RAB19: variants seen among roughly 807,000 people sequenced by gnomAD.
The protein encoded by RAB19 is ras-related protein Rab-19.
A neutral mutation model predicts 17.3 loss-of-function variants in RAB19; 21 were observed. The ratio of observed to expected loss-of-function variants is 1.21; its 90% confidence interval spans 0.86 to 1.74. The LOEUF (loss-of-function observed/expected upper bound fraction) is 1.74, where lower values mean the gene tolerates loss of function less well. Ranked by LOEUF, RAB19 falls within the 40% of genes most tolerant of loss-of-function variation. RAB19 has a pLI of 0.00. For missense variants in RAB19, 277 were observed against 286.8 expected, an observed-to-expected ratio of 0.97 and a Z score of 0.25; for synonymous variants, 126 against 110.4, an observed-to-expected ratio of 1.14 and a Z score of -0.88.
chr7:140,415,064 T>TG (rs370673159), intron 3 of RAB19, among the ~76,000 whole-genome samples: 126 of 149,976 alleles, frequency 8.4e-4, no homozygotes, highest in African/African-American at 3.1e-3. Flanking sequence ...CTCTTTTTTT[T>TG]TCTTTTCTTT....
chr7:140,424,497 A>G (rs1799617570), intron 3 of RAB19, among the ~76,000 whole-genome samples: 2 of 151,712 alleles, frequency 1.3e-5, no homozygotes, highest in Admixed American at 6.6e-5. Flanking sequence ...GATAGCACCA[A>G]TGTCAATTTC....
At chr7:140,405,644 C>T (rs1799224333) in intron 1 of RAB19, among the ~76,000 whole-genome samples, 2 of 152,020 alleles carry the variant, frequency 1.3e-5, no homozygotes, top group South Asian at 4.1e-4. Context: ...TGCCAAAGTG[C>T]TAGGATTACA....
At chr7:140,415,776 AC>A (rs772721866) in intron 3 of RAB19, among the ~76,000 whole-genome samples, 2 of 43,802 alleles carry the variant, frequency 4.6e-5, no homozygotes, top group Non-Finnish European at 1.6e-4. Context: ...GTGGTGGTGC[AC>A]GCCTGGAGTC....
In RAB19 at chr7:140,427,356, G is replaced by A. The variant is rs570062702; in HGVS notation, c.*1206G>A. Among the ~76,000 whole-genome samples, 4 of 149,948 alleles carry A rather than the reference G, an allele frequency of 2.7e-5. No individual in the cohort carries two copies. In the South Asian group the frequency reaches 6.3e-4, roughly 24 times the overall value. ...TTTAGTAGAGACTGGGTTTCACTACGTTGGTCAGGCTGGTCTTGAACTCCT... is the reference window on the plus strand; with the variant it reads ...TTTAGTAGAGACTGGGTTTCACTACATTGGTCAGGCTGGTCTTGAACTCCT... On this transcript the variant is annotated 3_prime_UTR_variant, in exon 4 of 4. Transcript: ENST00000537763.
rs927875096 is a variant in RAB19, at chr7:140,427,355, C to T, written c.*1205C>T. Reference sequence around the variant, plus strand: ...ATTTAGTAGAGACTGGGTTTCACTACGTTGGTCAGGCTGGTCTTGAACTCC... The same window carrying T: ...ATTTAGTAGAGACTGGGTTTCACTATGTTGGTCAGGCTGGTCTTGAACTCC... On this transcript the variant is annotated 3_prime_UTR_variant, in exon 4 of 4. Coordinates refer to ENST00000537763, the MANE Select transcript of RAB19 (RefSeq NM_001008749.3). Among the ~76,000 whole-genome samples the T allele has an allele frequency of 4.7e-5, 7 of 150,304 alleles. No homozygotes were observed. The highest frequency in any genetic ancestry group is 1.2e-4 in the African/African-American group (5 of 40,804).
intron 2 of RAB19, 33 bp downstream of exon 2, chr7:140,407,880 CT>C (rs71170993): frequency 0.042 from 26,031 of 626,198 alleles, 42 homozygotes; most frequent in South Asian, 0.05. Context: ...CTGGTTCCAC[CT>C]TTTTTTTTTT....
At chr7:140,415,552 T>C (rs1168263758) in intron 3 of RAB19, among the ~76,000 whole-genome samples, 1 of 152,284 alleles carries the variant, frequency 6.6e-6, no homozygotes, top group East Asian at 1.9e-4. Flanking sequence ...AAAAATGTAC[T>C]CTGTGTTACA....
chr7:140,426,018 C>T lies in RAB19; in HGVS notation c.522C>T (p.Leu174=). The T allele has an allele frequency of 6.2e-7, 1 of 1,614,188 alleles. No homozygotes were observed. Among genetic ancestry groups the T allele is most frequent in the Non-Finnish European group, 8.5e-7 (1 of 1,180,032 alleles). The change falls in exon 4 of 4, where the codon CTC becomes CTT. Residue 174 remains leucine (L), a synonymous_variant. Coordinates refer to ENST00000537763, the MANE Select transcript of RAB19 (RefSeq NM_001008749.3). ...ESKNIEEVFV[L]MAKELIARNS... is the part of the protein sequence containing the mutation. ...AGAACATAGAAGAAGTCTTCGTGCT[C>T]ATGGCCAAGGAGCTGATCGCGCGCA...
At chr7:140,422,281 C>T (rs552983198) in intron 3 of RAB19, among the ~76,000 whole-genome samples, 40 of 151,966 alleles carry the variant, frequency 2.6e-4, no homozygotes, top group African/African-American at 8.9e-4. Flanking sequence ...CCCAGCTACT[C>T]GGGAGGCGGA....
chr7:140,404,310 C>T (rs1342088788), intron 1 of RAB19, 93 bp downstream of exon 1: 1 of 152,160 alleles, frequency 6.6e-6, no homozygotes, highest in East Asian at 1.9e-4. Flanking sequence ...CCCAGCAAGG[C>T]TTGTAGGCTC....
Position 140,426,208 on chromosome 7 carries a change from C to A in RAB19, c.*58C>A. The A allele has an allele frequency of 6.3e-7, 1 of 1,575,518 alleles. No homozygotes were observed. Among genetic ancestry groups the A allele is most frequent in the South Asian group, 1.2e-5 (1 of 84,940 alleles). On this transcript the variant is annotated 3_prime_UTR_variant, in exon 4 of 4. Coordinates refer to ENST00000537763, the MANE Select transcript of RAB19 (RefSeq NM_001008749.3). ...AGGCCGCCTCTGAAACCAAAGGTAG[C>A]CAGGATACCGTAGTGTTGCCCCAGT...
At chr7:140,424,621 A>G (rs2948385) in intron 3 of RAB19, among the ~76,000 whole-genome samples, 1 of 77,200 alleles carries the variant, frequency 1.3e-5, no homozygotes, top group African/African-American at 4.9e-5. Context: ...CTCTCTCTCT[A>G]TATATATATA....
Position 140,426,847 on chromosome 7 carries a change from T to C in RAB19, c.*697T>C, listed in dbSNP as rs4725697. ...TGCAATTTTTTTTCTTTCTTTTTTTTTTTTTTTTTTTTGAGACAGGGTCAT... is the reference window on the plus strand; with the variant it reads ...TGCAATTTTTTTTCTTTCTTTTTTTCTTTTTTTTTTTTGAGACAGGGTCAT... On this transcript the variant is annotated 3_prime_UTR_variant, in exon 4 of 4. Coordinates refer to ENST00000537763, the MANE Select transcript of RAB19 (RefSeq NM_001008749.3). Among the ~76,000 whole-genome samples the C allele has an allele frequency of 0.051, 7,546 of 148,924 alleles. 276 individuals are homozygous for C. The highest frequency in any genetic ancestry group is 0.11 in the South Asian group (503 of 4,686).
At position 140,409,192 on chromosome 7, in the gene RAB19, T is replaced by C. The variant is rs1266531238; in HGVS notation, c.201+1345T>C. On this transcript the variant is annotated intron_variant, in intron 2 of 3. Coordinates refer to ENST00000537763, the MANE Select transcript of RAB19 (RefSeq NM_001008749.3). ...CAGCCTGGCCAACATGGTGAAACCC[T>C]GTCTCTACTAAAAATACAAAAATTA... 4.2e-5 allele frequency among the ~76,000 whole-genome samples: 6 copies of C among 144,086 alleles called. No individual in the cohort carries two copies. The East Asian group carries it at 8.7e-4, about 21-fold the overall frequency. 94.5% of individuals were successfully genotyped at this position (144,086 alleles called of 152,430 possible).
rs966104312 is a variant in RAB19, at chr7:140,410,887, G to A, written c.202-987G>A. 6.6e-6 allele frequency: 9 copies of A among 1,353,384 alleles called. No homozygotes were observed. The African/African-American group carries it at 1.3e-4, about 20-fold the overall frequency. 83.8% of individuals were successfully genotyped at this position (1,353,384 alleles called of 1,614,324 possible). ...ACACTGTGAGAGGCTGTGTGAATTGGTGCTGCCGCTTGGGTGGCTAATTTG... is the reference window on the plus strand; with the variant it reads ...ACACTGTGAGAGGCTGTGTGAATTGATGCTGCCGCTTGGGTGGCTAATTTG... On this transcript the variant is annotated intron_variant, in intron 2 of 3. Coordinates refer to ENST00000537763, the MANE Select transcript of RAB19 (RefSeq NM_001008749.3).
intron 3 of RAB19, among the ~76,000 whole-genome samples, chr7:140,415,891 C>T (rs1239282817): frequency 4.0e-5 from 6 of 149,736 alleles, no homozygotes; most frequent in Non-Finnish European, 5.9e-5. Context: ...GGTGACAGAG[C>T]AAGACTCTGT....
chr7:140,422,862 C>T (rs953291152), intron 3 of RAB19, among the ~76,000 whole-genome samples: 4 of 152,144 alleles, frequency 2.6e-5, no homozygotes, highest in Admixed American at 1.3e-4. Flanking sequence ...AATCCCAGCA[C>T]TTTGGGAGGC....
At position 140,415,652 on chromosome 7, in the gene RAB19, G is replaced by C. The variant is rs536972545; in HGVS notation, c.385+3595G>C. ...GATGTGTAAATAGTCATACAGAGCA[G>C]GTTGAATAAAATCTTCAATGCTGGG... On this transcript the variant is annotated intron_variant, in intron 3 of 3. Coordinates refer to ENST00000537763, the MANE Select transcript of RAB19 (RefSeq NM_001008749.3). Among the ~76,000 whole-genome samples, 199 of 152,276 alleles carry C rather than the reference G, an allele frequency of 1.3e-3. 1 individual carries two copies. The highest frequency in any genetic ancestry group is 4.5e-3 in the African/African-American group (186 of 41,540).
At position 140,426,075 on chromosome 7, in the gene RAB19, G is replaced by A. The variant is rs544128497; in HGVS notation, c.579G>A (p.Leu193=). Reference sequence around the variant, plus strand: ...TGCACCTATATGGGGAGAGTGCCCTGAACGGCCTCCCCCTGGACTCCAGCC... The same window carrying A: ...TGCACCTATATGGGGAGAGTGCCCTAAACGGCCTCCCCCTGGACTCCAGCC... ...NSLHLYGESA[L]NGLPLDSSPV... is the part of the protein sequence containing the mutation. The change falls in exon 4 of 4, where the codon CTG becomes CTA. Residue 193 remains leucine (L), a synonymous_variant. Transcript: ENST00000537763. 3.1e-6 allele frequency: 5 copies of A among 1,614,166 alleles called. No homozygotes were observed. The African/African-American group carries it at 5.3e-5, about 17-fold the overall frequency.
Sources: gnomAD v4.1 joint callset for allele counts (sites outside exome capture counted in the v4.1 genomes callset) on GRCh38, gnomAD v4.1.1 for gene constraint, MANE v1.5 for transcripts, NCBI Gene and HGNC (gene_info 2026-07-23, HGNC 2026-07-21) for gene names.